The following ROBO1 variants were observed in gnomAD, a reference collection of about 807,000 sequenced individuals.
ROBO1 encodes the protein roundabout homolog 1.
Under a neutral mutation model 195.9 loss-of-function variants are expected in ROBO1, and 149 were observed. The observed-to-expected ratio is 0.76, with a 90% CI of 0.67 to 0.87. The LOEUF (loss-of-function observed/expected upper bound fraction) is 0.87. Among genes scored for constraint, ROBO1 ranks in the 40% least tolerant of loss-of-function variants. The probability of loss-of-function intolerance (pLI) is 0.00; values close to 1 mark genes in which losing one functional copy is unlikely to be tolerated. For synonymous variants in ROBO1, 816 were observed against 733.2 expected, an observed-to-expected ratio of 1.11 and a Z score of -1.82; for missense variants, 1,933 against 2,068.3, an observed-to-expected ratio of 0.93 and a Z score of 1.27.
chr3:79,385,380 C>T (rs554935632), intron 2 of ROBO1, among the ~76,000 whole-genome samples: 4 of 152,126 alleles, frequency 2.6e-5, no homozygotes, highest in South Asian at 4.2e-4. Flanking sequence ...ATGACCATGG[C>T]GCCTGGAGCT....
At chr3:79,753,274 A>G (rs1191079326) in intron 1 of ROBO1, among the ~76,000 whole-genome samples, 1 of 150,056 alleles carries the variant, frequency 6.7e-6, no homozygotes, top group African/African-American at 2.5e-5. Context: ...TGGGGTGCAA[A>G]CTGGATACTG....
Position 79,221,608 on chromosome 3 carries a change from A to G in ROBO1, c.89-96069T>C, listed in dbSNP as rs149290431. Among the ~76,000 whole-genome samples the G allele has an allele frequency of 3.2e-4, 49 of 152,276 alleles. No homozygotes were observed. The East Asian group carries it at 9.3e-3, about 29-fold the overall frequency. ...TTAAAAGGTATATTTAAATTCAACA[A>G]TGGCTTTGCCAATTCCAAATAAAAA... On this transcript the variant is annotated intron_variant, in intron 2 of 30. Transcript: ENST00000464233.
At chr3:79,513,729 C>A (rs2107550327) in intron 2 of ROBO1, among the ~76,000 whole-genome samples, 1 of 151,868 alleles carries the variant, frequency 6.6e-6, no homozygotes, top group East Asian at 1.9e-4. Context: ...AAATCCCATT[C>A]TTTGTGCACA....
At chr3:79,640,247 A>G (rs1945616588) in intron 1 of ROBO1, among the ~76,000 whole-genome samples, 1 of 152,180 alleles carries the variant, frequency 6.6e-6, no homozygotes, top group Non-Finnish European at 1.5e-5. Context: ...TTGCAGTAGT[A>G]TGACTCCATT....
intron 1 of ROBO1, among the ~76,000 whole-genome samples, chr3:79,719,057 A>G (rs1310374158): frequency 6.6e-6 from 1 of 152,070 alleles, no homozygotes; most frequent in Non-Finnish European, 1.5e-5. Flanking sequence ...CATTATTTAT[A>G]CTCAATGGCA....
At chr3:79,668,902 A>G (rs977518690) in intron 1 of ROBO1, among the ~76,000 whole-genome samples, 8 of 151,852 alleles carry the variant, frequency 5.3e-5, no homozygotes, top group Non-Finnish European at 8.8e-5. Flanking sequence ...CATGAACAGA[A>G]CTTTGTAAAT....
chr3:78,869,190 A>G (rs1214407980), intron 4 of ROBO1, among the ~76,000 whole-genome samples: 1 of 152,120 alleles, frequency 6.6e-6, no homozygotes, highest in African/African-American at 2.4e-5. Flanking sequence ...TATAACCCCA[A>G]TATTTTTAGG....
chr3:79,117,336 C>G (rs1323598256), intron 3 of ROBO1, among the ~76,000 whole-genome samples: 4 of 151,834 alleles, frequency 2.6e-5, no homozygotes, highest in African/African-American at 9.7e-5. Flanking sequence ...CACCACTGCA[C>G]TCCAGCCTGG....
intron 4 of ROBO1, among the ~76,000 whole-genome samples, chr3:78,870,314 A>G (rs2035471252): frequency 1.3e-5 from 2 of 152,168 alleles, no homozygotes; most frequent in South Asian, 2.1e-4. Flanking sequence ...GGTTGCTGAT[A>G]TTAGGGTTTG....
At chr3:79,476,066 C>T (rs1184144121) in intron 2 of ROBO1, among the ~76,000 whole-genome samples, 12 of 151,756 alleles carry the variant, frequency 7.9e-5, no homozygotes, top group Non-Finnish European at 1.6e-4. Context: ...AATAACAATC[C>T]CATCAAAAAG....
At chr3:79,275,695 T>C (rs1045103575) in intron 2 of ROBO1, among the ~76,000 whole-genome samples, 2 of 151,942 alleles carry the variant, frequency 1.3e-5, no homozygotes, top group African/African-American at 4.8e-5. Context: ...CAAATTGTGA[T>C]GGTTGGCAGA....
At chr3:79,510,651 C>T (rs1273076567) in intron 2 of ROBO1, among the ~76,000 whole-genome samples, 1 of 148,942 alleles carries the variant, frequency 6.7e-6, no homozygotes, top group East Asian at 2.0e-4. Flanking sequence ...GTCATTTTAT[C>T]CTAGGGAAAA....
chr3:79,288,029 C>A lies in ROBO1; in HGVS notation c.89-162490G>T, dbSNP rs539262372. Among the ~76,000 whole-genome samples the A allele has an allele frequency of 7.9e-5, 12 of 152,122 alleles. No individual in the cohort carries two copies. The South Asian group carries it at 2.5e-3, about 32-fold the overall frequency. ...AAAATACAGCTTAAATAGTAATTTT[C>A]TTAAAGATTCAGTTAACTCTCTATG... is the stretch of plus-strand genomic sequence containing the variant. On this transcript the variant is annotated intron_variant, in intron 2 of 30. Transcript: ENST00000464233.
At chr3:79,543,396 G>A (rs555657658) in intron 2 of ROBO1, among the ~76,000 whole-genome samples, 1 of 152,088 alleles carries the variant, frequency 6.6e-6, no homozygotes, top group South Asian at 2.1e-4. Context: ...GCCTTGCACA[G>A]GGGTATGAAA....
chr3:79,159,408 T>A (rs1014895507), intron 2 of ROBO1, among the ~76,000 whole-genome samples: 5 of 152,146 alleles, frequency 3.3e-5, no homozygotes, highest in African/African-American at 9.6e-5. Flanking sequence ...CAAATCTTCA[T>A]TAAATCTTTA....
At chr3:79,559,347 C>T (rs189788702) in intron 2 of ROBO1, among the ~76,000 whole-genome samples, 4 of 152,186 alleles carry the variant, frequency 2.6e-5, no homozygotes, top group Admixed American at 2.0e-4. Flanking sequence ...TTTTAACATA[C>T]CTGTTGTTCA....
chr3:79,122,641 G>A (rs9838195), intron 3 of ROBO1, among the ~76,000 whole-genome samples: 3,420 of 151,964 alleles, frequency 0.023, 124 homozygotes, highest in African/African-American at 0.078. Flanking sequence ...TCGTTAAATG[G>A]GTCAGTTTGA....
chr3:78,920,184 G>A (rs1403199598), intron 4 of ROBO1, among the ~76,000 whole-genome samples: 1 of 152,178 alleles, frequency 6.6e-6, no homozygotes, highest in Non-Finnish European at 1.5e-5. Context: ...GAAGGTAATT[G>A]TCTTACATAC....
chr3:79,412,257 A>G (rs887694930), intron 2 of ROBO1, among the ~76,000 whole-genome samples: 9 of 152,202 alleles, frequency 5.9e-5, no homozygotes, highest in African/African-American at 2.2e-4. Context: ...TCCTTGGTAC[A>G]TAAGCACAAA....
Sources: allele counts gnomAD v4.1 joint callset (sites outside exome capture counted in the v4.1 genomes callset), GRCh38; gene constraint gnomAD v4.1.1; transcripts MANE v1.5; gene names NCBI Gene and HGNC (gene_info 2026-07-23, HGNC 2026-07-21).